RAPGEF6: variants seen among roughly 807,000 people sequenced by gnomAD.
RAPGEF6 encodes Rap guanine nucleotide exchange factor 6.
Under a neutral mutation model 171.4 loss-of-function variants are expected in RAPGEF6, and 56 were observed. The ratio of observed to expected loss-of-function variants is 0.33; its 90% CI spans 0.26 to 0.41. The LOEUF (loss-of-function observed/expected upper bound fraction) is 0.41. RAPGEF6 is among the 10% of genes least tolerant of loss of function. The pLI is 1.00. For missense variants in RAPGEF6, 1,674 were observed against 1,921.4 expected, an observed-to-expected ratio of 0.87 and a Z score of 2.41; for synonymous variants, 692 against 650.1, an observed-to-expected ratio of 1.06 and a Z score of -0.98.
At chr5:131,488,262 C>G (rs1374261823) in intron 15 of RAPGEF6, among the ~76,000 whole-genome samples, 1 of 152,160 alleles carries the variant, frequency 6.6e-6, no homozygotes, top group Non-Finnish European at 1.5e-5. Flanking sequence ...GGGGTTCACA[C>G]TATCTCTGTA....
chr5:131,525,663 A>T (rs981629918), intron 6 of RAPGEF6, among the ~76,000 whole-genome samples: 60 of 9,380 alleles, frequency 6.4e-3, no homozygotes, highest in African/African-American at 0.028. Context: ...TTTAGATATG[A>T]AAAAAAAAAA....
intron 11 of RAPGEF6, among the ~76,000 whole-genome samples, chr5:131,499,581 C>CAAAAAAAA (rs375534138): frequency 1.1e-5 from 1 of 87,552 alleles, no homozygotes; most frequent in African/African-American, 4.7e-5. Context: ...GACTTTGTCT[C>CAAAAAAAA]AAAAAAAAAA....
At chr5:131,457,330 CA>C (rs1475004856) in intron 19 of RAPGEF6, among the ~76,000 whole-genome samples, 2 of 152,184 alleles carry the variant, frequency 1.3e-5, no homozygotes, top group Non-Finnish European at 2.9e-5. Context: ...CTTGGCTTCC[CA>C]AAGTGCTGAG....
intron 5 of RAPGEF6, among the ~76,000 whole-genome samples, chr5:131,550,214 T>G (rs1760834218): frequency 6.6e-6 from 1 of 152,182 alleles, no homozygotes; most frequent in East Asian, 1.9e-4. Flanking sequence ...GGCATGTTCC[T>G]CTCCAATTCT....
chr5:131,506,263 T>C (rs1333745437), intron 9 of RAPGEF6, among the ~76,000 whole-genome samples: 1 of 152,158 alleles, frequency 6.6e-6, no homozygotes, highest in Non-Finnish European at 1.5e-5. Context: ...GCCTCAGCCT[T>C]CTGAATAGCT....
chr5:131,525,507 G>A (rs1197492857), intron 6 of RAPGEF6, among the ~76,000 whole-genome samples: 1 of 152,148 alleles, frequency 6.6e-6, no homozygotes, highest in Non-Finnish European at 1.5e-5. Context: ...ATAAGTTAAA[G>A]TCATGCTTAG....
At chr5:131,468,080 C>T (rs1306653773) in intron 17 of RAPGEF6, among the ~76,000 whole-genome samples, 1 of 151,126 alleles carries the variant, frequency 6.6e-6, no homozygotes, top group Non-Finnish European at 1.5e-5. Flanking sequence ...GTAATTCCAG[C>T]ACTTTGGGAG....
intron 1 of RAPGEF6, among the ~76,000 whole-genome samples, chr5:131,611,690 A>G (rs942694630): frequency 1.3e-5 from 2 of 152,196 alleles, no homozygotes; most frequent in African/African-American, 4.8e-5. Context: ...GTCATTTTTT[A>G]AACTAGAGGC....
chr5:131,434,553 A>T (rs1317601314), intron 24 of RAPGEF6, among the ~76,000 whole-genome samples: 1 of 152,194 alleles, frequency 6.6e-6, no homozygotes, highest in African/African-American at 2.4e-5. Flanking sequence ...TCAGTTTTTT[A>T]AATTGTTTTA....
At chr5:131,494,770 A>G (rs1756515390) in intron 13 of RAPGEF6, among the ~76,000 whole-genome samples, 2 of 76,332 alleles carry the variant, frequency 2.6e-5, no homozygotes. Context: ...AGATTATAAT[A>G]GATCAGATAT....
At chr5:131,508,027 G>T in intron 9 of RAPGEF6, 44 bp downstream of exon 9, 1 of 1,439,596 alleles carries the variant, frequency 6.9e-7, no homozygotes, top group East Asian at 2.5e-5. Context: ...TATTTTAAAA[G>T]TTAGTATCCA....
chr5:131,456,862 T>C (rs1193342446), intron 19 of RAPGEF6, among the ~76,000 whole-genome samples: 1 of 152,254 alleles, frequency 6.6e-6, no homozygotes, highest in East Asian at 1.9e-4. Flanking sequence ...GAGTAACCAA[T>C]ACAAATTTCA....
At chr5:131,497,247 GTTCT>G (rs1756697975) in intron 12 of RAPGEF6, among the ~76,000 whole-genome samples, 1 of 152,096 alleles carries the variant, frequency 6.6e-6, no homozygotes, top group African/African-American at 2.4e-5. Context: ...AGTTGTAAAA[GTTCT>G]TTATGTATTT....
chr5:131,577,415 G>A (rs561990864), intron 4 of RAPGEF6, among the ~76,000 whole-genome samples: 1 of 152,284 alleles, frequency 6.6e-6, no homozygotes, highest in East Asian at 1.9e-4. Context: ...AAGCTACAGG[G>A]TATAGTCCAT....
At chr5:131,445,491 C>CTGTGTGTGTGTGTG (rs1447178128) in intron 22 of RAPGEF6, among the ~76,000 whole-genome samples, 109 of 80,824 alleles carry the variant, frequency 1.3e-3, no homozygotes, top group African/African-American at 7.5e-3. Context: ...TTAACTCACT[C>CTGTGTGTGTGTGTG]TCTGTGTGTG....
intron 1 of RAPGEF6, among the ~76,000 whole-genome samples, chr5:131,622,235 A>G (rs1765635770): frequency 6.6e-6 from 1 of 152,206 alleles, no homozygotes; most frequent in South Asian, 2.1e-4. Context: ...TCTTAACTTG[A>G]GAAAAGCTGC....
chr5:131,543,976 CA>C (rs1760332878), intron 6 of RAPGEF6, among the ~76,000 whole-genome samples: 1 of 151,990 alleles, frequency 6.6e-6, no homozygotes, highest in African/African-American at 2.4e-5. Flanking sequence ...CGTAAGTCAT[CA>C]GGGATACATA....
chr5:131,495,580 C>T lies in RAPGEF6; in HGVS notation c.1500G>A (p.Glu500=), dbSNP rs1756590224. The change falls in exon 13 of 28, where the codon GAG becomes GAA. Residue 500 remains glutamate (E), a synonymous_variant. Coordinates refer to ENST00000509018, the MANE Select transcript of RAPGEF6 (RefSeq NM_016340.6). ...EGDPAMTRFL[E]EFEKNLEDTK... is the part of the protein sequence containing the mutation. The stretch of plus-strand genomic sequence containing the variant: ...TATCTTCCAGATTTTTTTCAAATTC[C>T]TCTAGAAATCGAGTCATAGCAGGGT... The T allele has an allele frequency of 6.2e-7, 1 of 1,612,914 alleles. No homozygotes were observed. The highest frequency in any genetic ancestry group is 8.5e-7 in the Non-Finnish European group (1 of 1,179,470).
chr5:131,473,886 G>C (rs1364935413), intron 16 of RAPGEF6, among the ~76,000 whole-genome samples: 1 of 152,194 alleles, frequency 6.6e-6, no homozygotes, highest in Non-Finnish European at 1.5e-5. Flanking sequence ...GAGAAGGCCA[G>C]GATATGACAG....
Sources: allele counts gnomAD v4.1 joint callset (sites outside exome capture counted in the v4.1 genomes callset), GRCh38; gene constraint gnomAD v4.1.1; transcripts MANE v1.5; gene names NCBI Gene and HGNC (gene_info 2026-07-23, HGNC 2026-07-21).